Variants in ST6GAL1 observed in about 807,000 individuals in gnomAD.
ST6GAL1 encodes ST6 beta-galactoside alpha-2,6-sialyltransferase 1.
ST6GAL1 carries 20 observed loss-of-function variants against 38.0 expected under a neutral mutation model. The observed-to-expected ratio is 0.53, with a 90% CI of 0.37 to 0.77. The LOEUF is 0.77. Ranked by LOEUF, ST6GAL1 falls within the 30% of genes least tolerant of loss-of-function variation. ST6GAL1 has a pLI of 0.00. For synonymous variants in ST6GAL1, 196 were observed against 188.2 expected (o/e 1.04, Z -0.34); for missense variants, 432 against 496.4 (o/e 0.87, Z 1.23).
At chr3:187,072,788 C>T in intron 5 of ST6GAL1, 61 bp from the exon 6 acceptor site, 2 of 1,450,154 alleles carry the variant, frequency 1.4e-6, no homozygotes, top group Non-Finnish European at 9.7e-7. Flanking sequence ...TCAGCTATTA[C>T]TTCATGTCAA....
intron 2 of ST6GAL1, among the ~76,000 whole-genome samples, chr3:187,029,892 A>G (rs1463116404): frequency 4.6e-5 from 7 of 152,178 alleles, no homozygotes; most frequent in Admixed American, 4.6e-4. Flanking sequence ...GGAAGGATTA[A>G]CCACAGAAGC....
chr3:186,942,767 G>A (rs924068563), intron 1 of ST6GAL1, among the ~76,000 whole-genome samples: 1 of 152,210 alleles, frequency 6.6e-6, no homozygotes, highest in African/African-American at 2.4e-5. Flanking sequence ...AAGATCTGCT[G>A]TGTCGGTATC....
intron 2 of ST6GAL1, chr3:186,986,509 AG>A (rs1214352010): frequency 1.3e-5 from 2 of 152,788 alleles, no homozygotes; most frequent in Non-Finnish European, 2.9e-5. Flanking sequence ...TGTCCAATGT[AG>A]GGGGTTGCTT....
chr3:186,951,976 G>C (rs1250578745), intron 1 of ST6GAL1, among the ~76,000 whole-genome samples: 1 of 152,162 alleles, frequency 6.6e-6, no homozygotes, highest in Non-Finnish European at 1.5e-5. Context: ...TCTTTTATAA[G>C]GGTACTACTG....
chr3:186,955,375 C>T (rs188992059), intron 1 of ST6GAL1, among the ~76,000 whole-genome samples: 1 of 152,164 alleles, frequency 6.6e-6, no homozygotes, highest in Non-Finnish European at 1.5e-5. Flanking sequence ...TGAAGAATGT[C>T]AATGGTAGTT....
In ST6GAL1 at chr3:187,072,567, C is replaced by T. The variant is rs1719421545; in HGVS notation, c.706-282C>T. On this transcript the variant is annotated intron_variant, in intron 5 of 7. Transcript: ENST00000169298. ...GACTCCAGGAGGCTGGGATGCCGTG[C>T]TATTTTCACTGTACCCTTGCCCCCG... is the stretch of plus-strand genomic sequence containing the variant. The T allele has an allele frequency of 7.8e-6, 3 of 384,672 alleles. No individual in the cohort carries two copies. The East Asian group carries it at 1.8e-4, about 24-fold the overall frequency. The allele number at this position is 384,672 out of a possible 1,614,324, so 23.8% of individuals were successfully genotyped here.
At chr3:186,934,383 G>T (rs1005153127) in intron 1 of ST6GAL1, among the ~76,000 whole-genome samples, 6 of 151,888 alleles carry the variant, frequency 4.0e-5, no homozygotes, top group Admixed American at 3.9e-4. Context: ...CTCCCCCACC[G>T]CCATCTCTAC....
chr3:186,974,235 CG>C (rs1715447236), intron 2 of ST6GAL1, among the ~76,000 whole-genome samples: 1 of 152,164 alleles, frequency 6.6e-6, no homozygotes, highest in African/African-American at 2.4e-5. Context: ...GCCCTCACCC[CG>C]CCTCCAACAG....
intron 2 of ST6GAL1, among the ~76,000 whole-genome samples, chr3:187,023,849 C>T (rs1050998531): frequency 5.3e-5 from 8 of 150,002 alleles, no homozygotes; most frequent in African/African-American, 1.7e-4. Flanking sequence ...CAAACCTGCA[C>T]GTTGTGCACA....
chr3:187,065,941 A>G (rs2108598290), intron 5 of ST6GAL1, among the ~76,000 whole-genome samples: 2 of 152,330 alleles, frequency 1.3e-5, no homozygotes, highest in East Asian at 1.9e-4. Flanking sequence ...TGCTCACAGG[A>G]GCCCAGAAAG....
rs1310477383 is a variant in ST6GAL1 at position 187,039,342 on chromosome 3, CTTTCA to C, written c.-51+472_-51+476del. On this transcript the variant is annotated intron_variant, in intron 3 of 7. Transcript: ENST00000169298. ...GATACAATTGCATCAGTTCAATAAT[CTTTCA>C]TTGAGTATCCGCTCTGGTCCAGGCA... 2.6e-5 allele frequency among the ~76,000 whole-genome samples: 4 copies of C among 152,196 alleles called. No individual in the cohort carries two copies. In the South Asian group the frequency reaches 8.3e-4, roughly 32 times the overall value.
intron 5 of ST6GAL1, among the ~76,000 whole-genome samples, chr3:187,056,791 C>T (rs887524669): frequency 2.0e-5 from 3 of 152,076 alleles, no homozygotes; most frequent in Non-Finnish European, 4.4e-5. Flanking sequence ...TGGGGTTGCT[C>T]TTCTCGAGGA....
At chr3:187,062,580 A>T (rs896303113) in intron 5 of ST6GAL1, among the ~76,000 whole-genome samples, 1 of 132,016 alleles carries the variant, frequency 7.6e-6, no homozygotes, top group African/African-American at 4.3e-5. Flanking sequence ...CCAGTCACAC[A>T]CACACACACA....
rs777922055 is a variant in ST6GAL1 at position 187,043,162 on chromosome 3, A to G, written c.459A>G (p.Val153=). The change falls in exon 4 of 8, where the codon GTA becomes GTG. Residue 153 remains valine, a synonymous_variant. Coordinates refer to ENST00000169298, the MANE Select transcript of ST6GAL1 (RefSeq NM_173216.2). ...HLRDHVNVSM[V]EVTDFPFNTS... ...GGGACCATGTGAATGTATCCATGGT[A>G]GAGGTCACAGATTTTCCCTTCAATA... The G allele has an allele frequency of 2.3e-5, 37 of 1,614,098 alleles. No individual in the cohort carries two copies. The highest frequency in any genetic ancestry group is 6.7e-5 in the Admixed American group (4 of 60,014).
chr3:186,967,662 G>C (rs1365317854), intron 2 of ST6GAL1, among the ~76,000 whole-genome samples: 1 of 152,206 alleles, frequency 6.6e-6, no homozygotes, highest in African/African-American at 2.4e-5. Context: ...GTGGTGCCCT[G>C]CCTTCAGCTT....
rs1359996258 is a variant in ST6GAL1, at chr3:187,042,748, G to T, written c.45G>T (p.Leu15=). 3.1e-6 allele frequency: 5 copies of T among 1,613,980 alleles called. No individual in the cohort carries two copies. Among genetic ancestry groups the T allele is most frequent in the Non-Finnish European group, 3.4e-6 (4 of 1,179,950 alleles). ...NLKKKFSCCV[L]VFLLFAVICV... ...AGAAAAAGTTCAGCTGCTGCGTCCTGGTCTTTCTTCTGTTTGCAGTCATCT... is the reference window on the plus strand; with the variant it reads ...AGAAAAAGTTCAGCTGCTGCGTCCTTGTCTTTCTTCTGTTTGCAGTCATCT... The change falls in exon 4 of 8, where the codon CTG becomes CTT. Residue 15 remains leucine (L), a synonymous_variant. Coordinates refer to ENST00000169298, the MANE Select transcript of ST6GAL1 (RefSeq NM_173216.2).
At position 187,040,145 on chromosome 3, in the gene ST6GAL1, T is replaced by C. The variant is rs564489115; in HGVS notation, c.-51+1272T>C. Among the ~76,000 whole-genome samples, 15 of 152,354 alleles carry C rather than the reference T, an allele frequency of 9.8e-5. No homozygotes were observed. In the South Asian group the frequency reaches 2.5e-3, roughly 25 times the overall value. The stretch of plus-strand genomic sequence containing the variant: ...ATCACTCATGCAACTTTGAAAATTA[T>C]TTGTATTTCCAAACCTCACTATACT... On this transcript the variant is annotated intron_variant, in intron 3 of 7. Transcript: ENST00000169298.
chr3:187,058,075 C>G (rs970468574), intron 5 of ST6GAL1, among the ~76,000 whole-genome samples: 1 of 152,348 alleles, frequency 6.6e-6, no homozygotes, highest in Non-Finnish European at 1.5e-5. Flanking sequence ...GTGAGCAAGG[C>G]TCCGTGGTCC....
chr3:187,004,997 TC>T lies in ST6GAL1; in HGVS notation c.-182-33744del, dbSNP rs372403186. On this transcript the variant is annotated intron_variant, in intron 2 of 7. Transcript: ENST00000169298. The stretch of plus-strand genomic sequence containing the variant: ...GAGGTGGCATCTCTCCCTAGGAGCT[TC>T]TAAGTCTTACAAACGTTTTTGACTG... Among the ~76,000 whole-genome samples the T allele has an allele frequency of 1.2e-3, 185 of 152,278 alleles. 1 individual carries two copies. The highest frequency in any genetic ancestry group is 4.2e-3 in the African/African-American group (173 of 41,548).
Sources: gnomAD v4.1 joint callset for allele counts (sites outside exome capture counted in the v4.1 genomes callset) on GRCh38, gnomAD v4.1.1 for gene constraint, MANE v1.5 for transcripts, NCBI Gene and HGNC (gene_info 2026-07-23, HGNC 2026-07-21) for gene names.